The following FHOD3 variants were observed in gnomAD, a reference collection of about 807,000 sequenced individuals.
FHOD3 encodes the protein formin homology 2 domain containing 3.
A neutral mutation model predicts 173.0 loss-of-function variants in FHOD3; 90 were observed. That is an observed-to-expected ratio of 0.52 (90% CI 0.44 to 0.62). The LOEUF (loss-of-function observed/expected upper bound fraction) is 0.62. Ranked by LOEUF, FHOD3 falls within the 20% of genes least tolerant of loss-of-function variation. FHOD3 has a pLI of 0.00. For synonymous variants in FHOD3, 828 were observed against 823.0 expected (o/e 1.01, Z -0.10); for missense variants, 1,945 against 2,034.7 (o/e 0.96, Z 0.85).
intron 14 of FHOD3, among the ~76,000 whole-genome samples, chr18:36,662,201 G>T (rs1484364097): frequency 6.6e-6 from 1 of 152,172 alleles, no homozygotes; most frequent in Non-Finnish European, 1.5e-5. Flanking sequence ...CCATCTTGTG[G>T]ACTTTCTCAT....
At chr18:36,558,007 G>T (rs1011678147) in intron 5 of FHOD3, among the ~76,000 whole-genome samples, 4 of 152,192 alleles carry the variant, frequency 2.6e-5, no homozygotes, top group African/African-American at 9.6e-5. Context: ...AGATTTTCTT[G>T]TCTGGCTGGT....
At chr18:36,661,983 T>C (rs563269060) in intron 14 of FHOD3, among the ~76,000 whole-genome samples, 21 of 152,332 alleles carry the variant, frequency 1.4e-4, no homozygotes, top group Middle Eastern at 3.4e-3. Flanking sequence ...TTAAAACACT[T>C]CACTTTTTGA....
chr18:36,335,506 A>C (rs1483462296), intron 1 of FHOD3, among the ~76,000 whole-genome samples: 1 of 152,060 alleles, frequency 6.6e-6, no homozygotes, highest in Non-Finnish European at 1.5e-5. Context: ...AAAAAAAAAA[A>C]AAACTTAAAA....
chr18:36,738,178 G>C (rs1221153538), intron 20 of FHOD3, among the ~76,000 whole-genome samples: 3 of 152,100 alleles, frequency 2.0e-5, no homozygotes, highest in Admixed American at 6.6e-5. Flanking sequence ...TCCTTTTATT[G>C]CCGAGTGCTA....
At chr18:36,684,501 A>AT (rs1217426031) in intron 15 of FHOD3, among the ~76,000 whole-genome samples, 10 of 152,278 alleles carry the variant, frequency 6.6e-5, no homozygotes, top group African/African-American at 1.9e-4. Context: ...CTGTAAAAAA[A>AT]AAATAAAAGA....
chr18:36,538,883 T>G (rs1237555230), intron 5 of FHOD3, among the ~76,000 whole-genome samples: 1 of 152,212 alleles, frequency 6.6e-6, no homozygotes, highest in Non-Finnish European at 1.5e-5. Context: ...CTGCATGTGA[T>G]AAAATGATAT....
At chr18:36,457,423 G>A (rs1338632217) in intron 3 of FHOD3, among the ~76,000 whole-genome samples, 2 of 152,074 alleles carry the variant, frequency 1.3e-5, no homozygotes, top group African/African-American at 2.4e-5. Context: ...CTTCAGATAT[G>A]GTACCAAGCT....
chr18:36,702,757 G>A (rs1344800435), intron 17 of FHOD3, among the ~76,000 whole-genome samples: 2 of 152,204 alleles, frequency 1.3e-5, no homozygotes, highest in African/African-American at 4.8e-5. Flanking sequence ...CTCTGAACTC[G>A]GCTGTCAGGG....
intron 4 of FHOD3, among the ~76,000 whole-genome samples, chr18:36,503,869 G>A (rs181262496): frequency 2.9e-4 from 44 of 152,226 alleles, no homozygotes; most frequent in Non-Finnish European, 4.6e-4. Context: ...TCCTCCTGAA[G>A]TTGTACTCCA....
At chr18:36,682,355 C>G (rs926774848) in intron 15 of FHOD3, among the ~76,000 whole-genome samples, 1 of 152,074 alleles carries the variant, frequency 6.6e-6, no homozygotes, top group Non-Finnish European at 1.5e-5. Context: ...TTCCCCCTTT[C>G]TTCCCCACCT....
intron 7 of FHOD3, among the ~76,000 whole-genome samples, chr18:36,599,400 G>A (rs1465019091): frequency 2.0e-5 from 3 of 152,208 alleles, no homozygotes; most frequent in Non-Finnish European, 4.4e-5. Context: ...CCTTTCAAGC[G>A]ATCCCATCTC....
intron 5 of FHOD3, among the ~76,000 whole-genome samples, chr18:36,549,977 G>A (rs2057576949): frequency 6.6e-6 from 1 of 151,484 alleles, no homozygotes; most frequent in African/African-American, 2.4e-5. Flanking sequence ...ATCTTTACAT[G>A]TAGTCTGGAT....
chr18:36,620,524 C>G (rs1336747233), intron 9 of FHOD3, among the ~76,000 whole-genome samples: 2 of 152,194 alleles, frequency 1.3e-5, no homozygotes, highest in Non-Finnish European at 2.9e-5. Flanking sequence ...CGACCTGTTT[C>G]CCTTTGAGCT....
At chr18:36,684,046 A>G (rs912854045) in intron 15 of FHOD3, among the ~76,000 whole-genome samples, 1 of 152,234 alleles carries the variant, frequency 6.6e-6, no homozygotes, top group Non-Finnish European at 1.5e-5. Context: ...TGCATGTCTG[A>G]TTTGTACACA....
chr18:36,744,400 A>G (rs1044566165), intron 23 of FHOD3, among the ~76,000 whole-genome samples: 6 of 152,240 alleles, frequency 3.9e-5, no homozygotes, highest in African/African-American at 1.4e-4. Context: ...TCTCAGTCAG[A>G]TTCTTTCCTA....
intron 3 of FHOD3, among the ~76,000 whole-genome samples, chr18:36,410,171 C>T (rs1033178647): frequency 6.6e-6 from 1 of 152,160 alleles, no homozygotes; most frequent in Admixed American, 6.5e-5. Context: ...TAATTTCCCC[C>T]CTGCCGTCTC....
intron 17 of FHOD3, among the ~76,000 whole-genome samples, chr18:36,697,161 C>T (rs2039331960): frequency 6.6e-6 from 1 of 152,196 alleles, no homozygotes; most frequent in African/African-American, 2.4e-5. Flanking sequence ...AACCTCTTAT[C>T]ACAATTTATG....
chr18:36,635,355 A>G (rs1003682500), intron 10 of FHOD3, among the ~76,000 whole-genome samples: 33 of 152,180 alleles, frequency 2.2e-4, no homozygotes, highest in African/African-American at 7.7e-4. Flanking sequence ...TTTTATCCTT[A>G]AGGCCAAGTG....
In FHOD3 at chr18:36,728,609, TGAA is replaced by T. The variant is rs2041194822; in HGVS notation, c.3418-2032_3418-2030del. 2.0e-5 allele frequency among the ~76,000 whole-genome samples: 3 copies of T among 151,798 alleles called. No homozygotes were observed. The East Asian group carries it at 5.8e-4, about 29-fold the overall frequency. ...GTTGTTGGGTTTTTTTTTTTTTAAATGAAGAAGTTTGAGTTTATTCCCAACTGC... is the reference window on the plus strand; with the variant it reads ...GTTGTTGGGTTTTTTTTTTTTTAAATGAAGTTTGAGTTTATTCCCAACTGC... On this transcript the variant is annotated intron_variant, in intron 19 of 28. Coordinates refer to ENST00000590592, the MANE Select transcript of FHOD3 (RefSeq NM_001281740.3).
Sources: allele counts gnomAD v4.1 joint callset (sites outside exome capture counted in the v4.1 genomes callset), GRCh38; gene constraint gnomAD v4.1.1; transcripts MANE v1.5; gene names NCBI Gene and HGNC (gene_info 2026-07-23, HGNC 2026-07-21).